Variants in SLC25A30 observed in about 807,000 individuals in gnomAD.
The protein encoded by SLC25A30 is kidney mitochondrial carrier protein 1.
SLC25A30 carries 29 observed loss-of-function variants against 42.7 expected under a neutral mutation model. The ratio of observed to expected loss-of-function variants is 0.68; its 90% CI spans 0.51 to 0.93. The LOEUF (loss-of-function observed/expected upper bound fraction) is 0.93, where lower values mean the gene tolerates loss of function less well. Ranked by LOEUF, SLC25A30 falls within the 40% of genes least tolerant of loss-of-function variation. SLC25A30 has a pLI of 0.00. For synonymous variants in SLC25A30, 124 were observed against 131.0 expected (o/e 0.95, Z 0.37); for missense variants, 300 against 359.7 (o/e 0.83, Z 1.34).
At chr13:45,425,062 GTATATATACA>G in the SLC25A30 span, among the ~76,000 whole-genome samples, 3 of 19,888 alleles carry the variant, frequency 1.5e-4, no homozygotes, top group Admixed American at 1.7e-3. Flanking sequence ...AAATATATAA[GTATATATACA>G]TATATATAAA....
At chr13:45,423,815 A>ATATATTTATAT in the SLC25A30 span, among the ~76,000 whole-genome samples, 3 of 55,736 alleles carry the variant, frequency 5.4e-5, no homozygotes, top group Admixed American at 6.5e-4. Flanking sequence ...TATATATAAA[A>ATATATTTATAT]ATATAAATAT....
intron 7 of SLC25A30, 87 bp from the exon 8 acceptor site, chr13:45,399,165 A>C (rs1301469738): frequency 7.5e-7 from 1 of 1,326,390 alleles, no homozygotes; most frequent in Non-Finnish European, 1.0e-6. Flanking sequence ...GCTTCTGCCC[A>C]AACTATGGGG....
At chr13:45,398,743 C>T (rs186910531) in intron 8 of SLC25A30, 197 bp downstream of exon 8, 221 of 458,370 alleles carry the variant, frequency 4.8e-4, no homozygotes, top group Non-Finnish European at 7.9e-4. Context: ...CCTTTCACAG[C>T]AGATGGAGGT....
chr13:45,425,795 C>G, the SLC25A30 span, among the ~76,000 whole-genome samples: 1 of 145,940 alleles, frequency 6.9e-6, no homozygotes, highest in African/African-American at 2.5e-5. Flanking sequence ...TGAATTCAAG[C>G]AATTCTTGTG....
chr13:45,409,040 G>A lies in SLC25A30; in HGVS notation c.99C>T (p.Leu33=), dbSNP rs748101825. The change falls in exon 3 of 10, where the codon CTC becomes CTT. Residue 33 remains leucine (L), a synonymous_variant. Transcript: ENST00000519676. Reference sequence around the variant, plus strand: ...CATCATTCGTCTGGCCTTGAATCTGGAGCCGTGTCTTGGTTAAATCAATTG... The same window carrying A: ...CATCATTCGTCTGGCCTTGAATCTGAAGCCGTGTCTTGGTTAAATCAATTG... The part of the protein sequence containing the change: ...TFPIDLTKTR[L]QIQGQTNDAK... 1.2e-6 allele frequency: 2 copies of A among 1,612,052 alleles called. No individual in the cohort carries two copies. The highest frequency in any genetic ancestry group is 1.1e-5 in the South Asian group (1 of 90,620).
intron 7 of SLC25A30, among the ~76,000 whole-genome samples, chr13:45,400,099 A>G (rs1331914395): frequency 6.6e-6 from 1 of 150,990 alleles, no homozygotes; most frequent in Non-Finnish European, 1.5e-5. Context: ...TGATATATCC[A>G]TACAATGTGA....
intron 1 of SLC25A30, among the ~76,000 whole-genome samples, chr13:45,413,988 G>C (rs1250487969): frequency 6.6e-6 from 1 of 152,210 alleles, no homozygotes; most frequent in Non-Finnish European, 1.5e-5. Flanking sequence ...AGCTAAAAAT[G>C]TGATGGAATT....
chr13:45,397,422 G>T, intron 8 of SLC25A30, 84 bp from the exon 9 acceptor site: 1 of 964,462 alleles, frequency 1.0e-6, no homozygotes. Flanking sequence ...GCCAGGCGCG[G>T]TGGCTCACGC....
Position 45,394,843 on chromosome 13 carries a change from C to G in SLC25A30, c.*1131G>C, listed in dbSNP as rs1018029887. On this transcript the variant is annotated 3_prime_UTR_variant, in exon 10 of 10. Coordinates refer to ENST00000519676, the MANE Select transcript of SLC25A30 (RefSeq NM_001010875.4). ...TTCAAGCAGGTATTTTCCATCCAAA[C>G]TAAACAGAAAGTCCAAGACAGGCAC... 23 of 985,262 alleles carry G rather than the reference C, an allele frequency of 2.3e-5. No homozygotes were observed. The highest frequency in any genetic ancestry group is 5.2e-4 in the Middle Eastern group (1 of 1,936). The allele number at this position is 985,262 out of a possible 1,614,324, so 61.0% of individuals were successfully genotyped here. A position where few individuals can be genotyped will look rare whatever the true frequency, so the allele number is the denominator to read the frequency against.
At position 45,395,653 on chromosome 13, in the gene SLC25A30, C is replaced by T. The variant is rs1881249668; in HGVS notation, c.*321G>A. 3 of 1,216,394 alleles carry T rather than the reference C, an allele frequency of 2.5e-6. No individual in the cohort carries two copies. The highest frequency in any genetic ancestry group is 3.1e-6 in the Non-Finnish European group (3 of 963,580). 75.4% of individuals were successfully genotyped at this position (1,216,394 alleles called of 1,614,324 possible). A position where few individuals can be genotyped will look rare whatever the true frequency, so the allele number is the denominator to read the frequency against. On this transcript the variant is annotated 3_prime_UTR_variant, in exon 10 of 10. Coordinates refer to ENST00000519676, the MANE Select transcript of SLC25A30 (RefSeq NM_001010875.4). ...TGAGATGCATCAGGAGCTACTCTCCCTGAATAAAACAATACATCGCTCCTG... is the reference window on the plus strand; with the variant it reads ...TGAGATGCATCAGGAGCTACTCTCCTTGAATAAAACAATACATCGCTCCTG...
the SLC25A30 span, among the ~76,000 whole-genome samples, chr13:45,424,056 T>C: frequency 9.6e-6 from 1 of 104,668 alleles, no homozygotes; most frequent in Non-Finnish European, 1.7e-5. Flanking sequence ...TATAAATCTA[T>C]AAAAATATAT....
chr13:45,398,584 A>G (rs1881608325), intron 8 of SLC25A30: 2 of 158,846 alleles, frequency 1.3e-5, no homozygotes, highest in African/African-American at 4.8e-5. Flanking sequence ...AGGCCCAATT[A>G]TTTAAACTGA....
chr13:45,424,867 TATATATAA>T, the SLC25A30 span, among the ~76,000 whole-genome samples: 1 of 59,978 alleles, frequency 1.7e-5, no homozygotes, highest in Non-Finnish European at 3.0e-5. Context: ...TATATAAAAA[TATATATAA>T]ATATATAAAT....
At chr13:45,422,949 G>A (rs547655740), upstream of SLC25A30, among the ~76,000 whole-genome samples, 3 of 152,228 alleles carry the variant, frequency 2.0e-5, no homozygotes, top group East Asian at 1.9e-4. Context: ...TAAAAACTGG[G>A]TGAAATGGGT....
At position 45,395,973 on chromosome 13, in the gene SLC25A30, G is replaced by A. The variant is rs75330252; in HGVS notation, c.*1C>T. 0.053 allele frequency: 84,816 copies of A among 1,614,138 alleles called. 2,612 individuals are homozygous for A. The highest frequency in any genetic ancestry group is 0.063 in the Non-Finnish European group (74,741 of 1,179,998). The stretch of plus-strand genomic sequence containing the variant: ...AAGATGTCTCATGCAGCCTTGGCTT[G>A]TCACAAATCCAATTTCTTCAACTGC... On this transcript the variant is annotated 3_prime_UTR_variant, in exon 10 of 10. Coordinates refer to ENST00000519676, the MANE Select transcript of SLC25A30 (RefSeq NM_001010875.4).
chr13:45,420,335 G>A (rs1006006002), upstream of SLC25A30: 1 of 152,134 alleles, frequency 6.6e-6, no homozygotes, highest in African/African-American at 2.4e-5. Context: ...GCCACACAAT[G>A]TTTTGAAATC....
At chr13:45,400,750 G>T (rs1447323538) in intron 7 of SLC25A30, among the ~76,000 whole-genome samples, 1 of 152,094 alleles carries the variant, frequency 6.6e-6, no homozygotes, top group Non-Finnish European at 1.5e-5. Flanking sequence ...TCCTGCCTCG[G>T]CCTTCCAAAG....
intron 9 of SLC25A30, 105 bp from the exon 10 acceptor site, chr13:45,396,120 A>T (rs1162342656): frequency 6.8e-6 from 11 of 1,609,042 alleles, no homozygotes; most frequent in Non-Finnish European, 8.5e-6. Flanking sequence ...AGGTACAGGC[A>T]GACCCACGCT....
At chr13:45,402,834 C>T in intron 5 of SLC25A30, 2 of 985,392 alleles carry the variant, frequency 2.0e-6, no homozygotes, top group Non-Finnish European at 2.4e-6. Flanking sequence ...GCCAGCTGAA[C>T]CAAAAGGTAT....
Sources: allele counts gnomAD v4.1 joint callset (sites outside exome capture counted in the v4.1 genomes callset), GRCh38; gene constraint gnomAD v4.1.1; transcripts MANE v1.5; gene names NCBI Gene and HGNC (gene_info 2026-07-23, HGNC 2026-07-21).